The following CNTNAP5 variants were observed in gnomAD, a reference collection of about 807,000 sequenced individuals.
The protein encoded by CNTNAP5 is contactin associated protein family member 5.
Under a neutral mutation model 150.2 loss-of-function variants are expected in CNTNAP5, and 72 were observed. The observed-to-expected ratio is 0.48, with a 90% CI of 0.40 to 0.58. The LOEUF (loss-of-function observed/expected upper bound fraction) is 0.58, where lower values mean the gene tolerates loss of function less well. Among genes scored for constraint, CNTNAP5 ranks in the 20% least tolerant of loss-of-function variants. The pLI, the probability that CNTNAP5 is intolerant of heterozygous loss-of-function variation, is 0.00. For missense variants in CNTNAP5, 1,636 were observed against 1,626.2 expected (o/e 1.01, Z -0.10); for synonymous variants, 672 against 619.8 (o/e 1.08, Z -1.25).
chr2:124,803,879 T>C (rs952147838), intron 19 of CNTNAP5, among the ~76,000 whole-genome samples: 3 of 152,122 alleles, frequency 2.0e-5, no homozygotes, highest in Non-Finnish European at 4.4e-5. Flanking sequence ...CCCTTCAAAG[T>C]GTAATGCTGC....
intron 13 of CNTNAP5, among the ~76,000 whole-genome samples, chr2:124,684,077 G>C (rs1006837513): frequency 3.9e-5 from 6 of 152,156 alleles, no homozygotes; most frequent in Non-Finnish European, 7.3e-5. Flanking sequence ...AGGTAAATTA[G>C]CAAAGTGCAA....
At chr2:124,228,164 T>A (rs1170615) in intron 2 of CNTNAP5, among the ~76,000 whole-genome samples, 20,738 of 151,936 alleles carry the variant, frequency 0.14, 2,016 homozygotes, top group East Asian at 0.35. Flanking sequence ...CTGGTATCAG[T>A]CCCAGAGCCC....
At chr2:124,865,554 A>G in intron 20 of CNTNAP5, 118 bp downstream of exon 20, 2 of 931,030 alleles carry the variant, frequency 2.1e-6, no homozygotes, top group Admixed American at 5.4e-5. Context: ...GTTACAAATC[A>G]CACTTGCCCC....
At chr2:124,621,599 A>C (rs1402051548) in intron 12 of CNTNAP5, among the ~76,000 whole-genome samples, 2 of 152,214 alleles carry the variant, frequency 1.3e-5, no homozygotes, top group Non-Finnish European at 2.9e-5. Flanking sequence ...GTGTGATTGC[A>C]GTAATAGATT....
At chr2:124,244,026 T>C (rs1221887800) in intron 3 of CNTNAP5, among the ~76,000 whole-genome samples, 3 of 152,176 alleles carry the variant, frequency 2.0e-5, no homozygotes, top group African/African-American at 4.8e-5. Flanking sequence ...TCTCTGGTAC[T>C]TGTCATTGGG....
chr2:124,297,207 G>A (rs1293077074), intron 3 of CNTNAP5, among the ~76,000 whole-genome samples: 1 of 152,196 alleles, frequency 6.6e-6, no homozygotes, highest in Admixed American at 6.5e-5. Context: ...CTCATGGTAT[G>A]TTTGATAAAA....
At chr2:124,765,141 A>G (rs1487274085) in intron 16 of CNTNAP5, among the ~76,000 whole-genome samples, 1 of 152,142 alleles carries the variant, frequency 6.6e-6, no homozygotes, top group Non-Finnish European at 1.5e-5. Context: ...TAAAAATTTC[A>G]TTTTATACTA....
chr2:124,701,948 A>T (rs1429204157), intron 13 of CNTNAP5, among the ~76,000 whole-genome samples: 1 of 151,914 alleles, frequency 6.6e-6, no homozygotes, highest in Non-Finnish European at 1.5e-5. Flanking sequence ...TTACTGGAAA[A>T]TTTTCAAATA....
chr2:124,136,099 A>G (rs1320143910), intron 1 of CNTNAP5, among the ~76,000 whole-genome samples: 1 of 152,150 alleles, frequency 6.6e-6, no homozygotes, highest in African/African-American at 2.4e-5. Flanking sequence ...CCAATTTCCA[A>G]TTAAATAGAG....
At chr2:124,034,142 TCA>T (rs996583360) in intron 1 of CNTNAP5, among the ~76,000 whole-genome samples, 2 of 152,216 alleles carry the variant, frequency 1.3e-5, no homozygotes, top group African/African-American at 4.8e-5. Context: ...AGGGCATATG[TCA>T]CACAGTTTGG....
At chr2:124,374,700 G>C (rs1328571419) in intron 3 of CNTNAP5, among the ~76,000 whole-genome samples, 1 of 152,092 alleles carries the variant, frequency 6.6e-6, no homozygotes, top group East Asian at 1.9e-4. Flanking sequence ...AACTCTATTA[G>C]GAATGACCAC....
intron 11 of CNTNAP5, among the ~76,000 whole-genome samples, chr2:124,573,165 AT>A (rs1179316787): frequency 1.3e-5 from 2 of 152,212 alleles, no homozygotes; most frequent in Admixed American, 1.3e-4. Flanking sequence ...GCACTCTTAA[AT>A]ATTTTATGGA....
intron 1 of CNTNAP5, among the ~76,000 whole-genome samples, chr2:124,126,320 A>C (rs932148627): frequency 3.4e-4 from 51 of 152,212 alleles, no homozygotes; most frequent in Non-Finnish European, 8.8e-5. Flanking sequence ...GAAATGGATA[A>C]ATTCCTCGAC....
intron 3 of CNTNAP5, among the ~76,000 whole-genome samples, chr2:124,391,822 G>A (rs4277529): frequency 0.53 from 80,344 of 151,498 alleles, 22,655 homozygotes; most frequent in South Asian, 0.67. Context: ...CGGGCGCGGT[G>A]GCGGGCGCCT....
At chr2:124,125,074 C>T (rs979297901) in intron 1 of CNTNAP5, among the ~76,000 whole-genome samples, 4 of 152,070 alleles carry the variant, frequency 2.6e-5, no homozygotes, top group African/African-American at 9.7e-5. Flanking sequence ...ATTAACCTTA[C>T]ATGTAAATGG....
At chr2:124,872,215 G>T (rs1677763245) in intron 21 of CNTNAP5, among the ~76,000 whole-genome samples, 1 of 152,018 alleles carries the variant, frequency 6.6e-6, no homozygotes, top group African/African-American at 2.4e-5. Flanking sequence ...TGTTGTCTCT[G>T]TTCTTTTGTT....
intron 7 of CNTNAP5, among the ~76,000 whole-genome samples, chr2:124,500,096 CTA>C (rs2104858835): frequency 6.6e-6 from 1 of 152,224 alleles, no homozygotes; most frequent in Non-Finnish European, 1.5e-5. Context: ...GCATTTTACT[CTA>C]TGCCCTCAAC....
At chr2:124,891,281 C>T (rs1678189959) in intron 21 of CNTNAP5, among the ~76,000 whole-genome samples, 1 of 152,032 alleles carries the variant, frequency 6.6e-6, no homozygotes. Context: ...TTTCTTGCTC[C>T]ATTTAGTCTG....
intron 13 of CNTNAP5, among the ~76,000 whole-genome samples, chr2:124,678,413 A>G (rs368607147): frequency 6.6e-6 from 1 of 151,704 alleles, no homozygotes; most frequent in East Asian, 1.9e-4. Flanking sequence ...CTCTCTGCTA[A>G]TACCTAACTA....
Sources: allele counts gnomAD v4.1 joint callset (sites outside exome capture counted in the v4.1 genomes callset), GRCh38; gene constraint gnomAD v4.1.1; transcripts MANE v1.5; gene names NCBI Gene and HGNC (gene_info 2026-07-23, HGNC 2026-07-21).